The following FAM193B variants were observed in gnomAD, a reference collection of about 807,000 sequenced individuals.
FAM193B encodes the protein family with sequence similarity 193 member B.
A neutral mutation model predicts 70.7 loss-of-function variants in FAM193B; 27 were observed. That is an observed-to-expected ratio of 0.38 (90% CI 0.28 to 0.53). The LOEUF (loss-of-function observed/expected upper bound fraction) is 0.53, where lower values mean the gene tolerates loss of function less well. Among genes scored for constraint, FAM193B ranks in the 20% least tolerant of loss-of-function variants. The pLI is 0.81. For synonymous variants in FAM193B, 448 were observed against 436.0 expected (o/e 1.03, Z -0.34); for missense variants, 1,022 against 1,072.5 (o/e 0.95, Z 0.66).
At chr5:177,539,226 C>T (rs1764561098) in intron 1 of FAM193B, 79 bp from the exon 2 acceptor site, 4 of 1,434,032 alleles carry the variant, frequency 2.8e-6, no homozygotes, top group Non-Finnish European at 3.7e-6. Flanking sequence ...ATTAGTAATG[C>T]CACTTATTAC....
At chr5:177,523,237 T>C (rs1277330516) in intron 7 of FAM193B, 1 of 371,474 alleles carries the variant, frequency 2.7e-6, no homozygotes, top group East Asian at 8.9e-5. Flanking sequence ...TGATCTCAGG[T>C]GATCCACCCG....
Position 177,524,907 on chromosome 5 carries a change from T to A in FAM193B, c.1574A>T (p.Glu525Val). 6.6e-7 allele frequency: 1 copy of A among 1,508,886 alleles called. No homozygotes were observed. Among genetic ancestry groups the A allele is most frequent in the South Asian group, 1.4e-5 (1 of 73,822 alleles). The allele number at this position is 1,508,886 out of a possible 1,614,324, so 93.5% of individuals were successfully genotyped here. Residue 525 changes from glutamate to valine, a missense_variant, in exon 6 of 9, where the codon GAG becomes GTG. Physicochemically the swap from Glu to Val is moderately radical, Grantham distance 121. Transcript: ENST00000514747. The stretch of plus-strand genomic sequence containing the variant: ...GTCAAGGTTGATGTCAGGCTGCTGC[T>A]CTGAGGAGCCACTGAGGTTTGAGGG... ...LPPSNLSGSSEQQPDINLDLS... is the reference protein window; with the variant it reads ...LPPSNLSGSSVQQPDINLDLS...
rs760851792 is a variant in FAM193B at position 177,537,934 on chromosome 5, A to C, written c.627T>G (p.Asn209Lys). 1 of 1,591,162 alleles carries C rather than the reference A, an allele frequency of 6.3e-7. No individual in the cohort carries two copies. The highest frequency in any genetic ancestry group is 8.6e-7 in the Non-Finnish European group (1 of 1,168,916). The change falls in exon 3 of 9, where the codon AAT becomes AAG. Residue 209 changes from asparagine to lysine, a missense_variant. By Grantham distance (94) the Asn-to-Lys change is moderately conservative (BLOSUM62 0). Transcript: ENST00000514747. Reference protein sequence around the residue: ...LSAHKLSGLWNSPHSSGAMPG... With the variant: ...LSAHKLSGLWKSPHSSGAMPG... Reference sequence around the variant, plus strand: ...GCATGGCCCCACTGGAATGTGGGGAATTCCAGAGGCCCGAGAGCTTATGTG... The same window carrying C: ...GCATGGCCCCACTGGAATGTGGGGACTTCCAGAGGCCCGAGAGCTTATGTG...
Position 177,532,432 on chromosome 5 carries a change from G to C in FAM193B, c.1275+11C>G. Reference sequence around the variant, plus strand: ...CCCCCAGCCCTCTCTAGCCTGGGCAGGCTCACTCACCGCATTGTGGCCGAA... The same window carrying C: ...CCCCCAGCCCTCTCTAGCCTGGGCACGCTCACTCACCGCATTGTGGCCGAA... On this transcript the variant is annotated intron_variant, in intron 5 of 8. Coordinates refer to ENST00000514747, the MANE Select transcript of FAM193B (RefSeq NM_001190946.3). This position sits in a 1 kb window ranked among gnomAD's most constrained non-coding sequence, Gnocchi z 4.9. 2.5e-6 allele frequency: 4 copies of C among 1,606,662 alleles called. No homozygotes were observed. The highest frequency in any genetic ancestry group is 1.3e-5 in the African/African-American group (1 of 74,936).
chr5:177,549,603 A>C (rs898548945), intron 1 of FAM193B, among the ~76,000 whole-genome samples: 1 of 152,252 alleles, frequency 6.6e-6, no homozygotes, highest in African/African-American at 2.4e-5. Context: ...CCGATGCTAT[A>C]TCTCCTTCTA....
rs1445038591 is a variant in FAM193B, at chr5:177,554,396, C to T, written c.63G>A (p.Ala21=). The part of the protein sequence containing the change: ...GAGRRERARA[A]GPQKPQAPEP... Reference sequence around the variant, plus strand: ...CGGGCGCCTGGGGCTTCTGCGGCCCCGCGGCCCGAGCCCGCTCGCGCCTGC... The same window carrying T: ...CGGGCGCCTGGGGCTTCTGCGGCCCTGCGGCCCGAGCCCGCTCGCGCCTGC... The change falls in exon 1 of 9, where the codon GCG becomes GCA. Residue 21 remains alanine, a synonymous_variant. Transcript: ENST00000514747. 3 of 1,164,526 alleles carry T rather than the reference C, an allele frequency of 2.6e-6. No individual in the cohort carries two copies. The highest frequency in any genetic ancestry group is 1.6e-5 in the African/African-American group (1 of 61,468). 72.1% of individuals were successfully genotyped at this position (1,164,526 alleles called of 1,614,324 possible).
intron 1 of FAM193B, among the ~76,000 whole-genome samples, chr5:177,551,452 G>A (rs1474829055): frequency 6.6e-6 from 1 of 152,184 alleles, no homozygotes; most frequent in African/African-American, 2.4e-5. Flanking sequence ...ATGTGTACAG[G>A]TTATGCCAAT....
intron 7 of FAM193B, chr5:177,523,290 G>A (rs1434201030): frequency 1.9e-5 from 6 of 323,196 alleles, no homozygotes; most frequent in Non-Finnish European, 3.3e-5. Flanking sequence ...ATGAGCCACC[G>A]CGCTTGGCCA....
intron 4 of FAM193B, among the ~76,000 whole-genome samples, chr5:177,535,274 A>C (rs1223055910): frequency 1.3e-5 from 2 of 152,232 alleles, no homozygotes; most frequent in Admixed American, 6.5e-5. Flanking sequence ...GAGGCTAAGA[A>C]CACCACAAGA....
chr5:177,534,674 G>A (rs1040670618), intron 4 of FAM193B, among the ~76,000 whole-genome samples: 15 of 152,064 alleles, frequency 9.9e-5, no homozygotes, highest in Non-Finnish European at 1.9e-4. Flanking sequence ...TCAGTGGCAC[G>A]ATGTCAGCTC....
At chr5:177,531,536 G>GGGGGGT in intron 5 of FAM193B, 4 of 1,046,988 alleles carry the variant, frequency 3.8e-6, no homozygotes, top group Non-Finnish European at 5.3e-6. Flanking sequence ...GGGTGGGGGG[G>GGGGGGT]AGGTGCTGAC....
chr5:177,526,366 G>A (rs1762598505), intron 5 of FAM193B, among the ~76,000 whole-genome samples: 1 of 152,142 alleles, frequency 6.6e-6, no homozygotes, highest in South Asian at 2.1e-4. Flanking sequence ...TGCGAAGGTG[G>A]GGCTGGGCTT....
chr5:177,526,214 A>T (rs1038091831), intron 5 of FAM193B, among the ~76,000 whole-genome samples: 3 of 152,214 alleles, frequency 2.0e-5, no homozygotes, highest in African/African-American at 7.2e-5. Context: ...ACTACAGTCA[A>T]TTGTTCTGTG....
chr5:177,524,872 A>G lies in FAM193B; in HGVS notation c.1609T>C (p.Leu537=). 1 of 1,510,668 alleles carries G rather than the reference A, an allele frequency of 6.6e-7. No homozygotes were observed. The highest frequency in any genetic ancestry group is 8.8e-7 in the Non-Finnish European group (1 of 1,131,440). 93.6% of individuals were successfully genotyped at this position (1,510,668 alleles called of 1,614,324 possible). A position where few individuals can be genotyped will look rare whatever the true frequency, so the allele number is the denominator to read the frequency against. The change falls in exon 6 of 9, where the codon TTG becomes CTG. Residue 537 remains leucine (L), a synonymous_variant. Coordinates refer to ENST00000514747, the MANE Select transcript of FAM193B (RefSeq NM_001190946.3). ...QPDINLDLSP[L]TLGSPQNHTL... ...TGGTTCTGAGGGGAGCCCAAAGTCAAAGGGGACAGGTCAAGGTTGATGTCA... is the reference window on the plus strand; with the variant it reads ...TGGTTCTGAGGGGAGCCCAAAGTCAGAGGGGACAGGTCAAGGTTGATGTCA...
At chr5:177,554,207 T>A (rs1231712328) in intron 1 of FAM193B, 42 bp downstream of exon 1, 8 of 1,482,028 alleles carry the variant, frequency 5.4e-6, no homozygotes, top group Non-Finnish European at 7.2e-6. Flanking sequence ...TCGGGGAAGG[T>A]GAAAGCGCCC....
chr5:177,540,535 A>T (rs1325937713), intron 1 of FAM193B, among the ~76,000 whole-genome samples: 1 of 152,116 alleles, frequency 6.6e-6, no homozygotes, highest in Non-Finnish European at 1.5e-5. Flanking sequence ...GTGTGTATAC[A>T]TTTCCACTTG....
In FAM193B at chr5:177,539,007, G is replaced by A. The variant is rs372196213; in HGVS notation, c.351C>T (p.Leu117=). ...EKLPPDFMPK[L]VKNLLGEMPL... ...GCATCTCGCCTAGGAGATTCTTGAC[G>A]AGCTTTGGCATGAAGTCAGGGGGCA... Residue 117 remains leucine (L), a synonymous_variant, in exon 2 of 9, where the codon CTC becomes CTT. Coordinates refer to ENST00000514747, the MANE Select transcript of FAM193B (RefSeq NM_001190946.3). The A allele has an allele frequency of 2.7e-5, 44 of 1,613,896 alleles. No individual in the cohort carries two copies. The highest frequency in any genetic ancestry group is 5.3e-5 in the African/African-American group (4 of 74,930).
At chr5:177,540,956 A>G (rs1561778602) in intron 1 of FAM193B, among the ~76,000 whole-genome samples, 1 of 152,214 alleles carries the variant, frequency 6.6e-6, no homozygotes, top group Non-Finnish European at 1.5e-5. Context: ...TTAAACCTCT[A>G]ATGTTACCAT....
chr5:177,520,241 A>G (rs1761504830), intron 8 of FAM193B, 60 bp from the exon 9 acceptor site: 2 of 152,262 alleles, frequency 1.3e-5, no homozygotes, highest in South Asian at 2.1e-4. Flanking sequence ...CAGCCTCCCC[A>G]TGCCACTTGG....
Sources: allele counts gnomAD v4.1 joint callset (sites outside exome capture counted in the v4.1 genomes callset), GRCh38; gene constraint gnomAD v4.1.1; non-coding constraint Gnocchi (gnomAD v3.1); transcripts MANE v1.5; gene names NCBI Gene and HGNC (gene_info 2026-07-23, HGNC 2026-07-21).